The following KSR2 variants were observed in gnomAD, a reference collection of about 807,000 sequenced individuals.
KSR2 encodes the protein kinase suppressor of ras 2.
KSR2 carries 25 observed loss-of-function variants against 107.8 expected under a neutral mutation model. That is an observed-to-expected ratio of 0.23 (90% CI 0.17 to 0.32). The LOEUF (loss-of-function observed/expected upper bound fraction) is 0.32, where lower values mean the gene tolerates loss of function less well. Ranked by LOEUF, KSR2 falls within the 10% of genes least tolerant of loss-of-function variation. KSR2 has a pLI of 1.00. For synonymous variants in KSR2, 480 were observed against 507.0 expected, an observed-to-expected ratio of 0.95 and a Z score of 0.71; for missense variants, 887 against 1,268.9, an observed-to-expected ratio of 0.70 and a Z score of 4.57.
intron 19 of KSR2, 29 bp from the exon 20 acceptor site, chr12:117,467,234 GT>G: frequency 4.1e-6 from 3 of 728,428 alleles, no homozygotes; most frequent in Non-Finnish European, 7.6e-6. Flanking sequence ...GGAGAGAGTG[GT>G]GAGAGGTCAC....
At chr12:117,874,734 A>AT (rs1321879639) in intron 1 of KSR2, among the ~76,000 whole-genome samples, 18 of 152,208 alleles carry the variant, frequency 1.2e-4, no homozygotes, top group African/African-American at 4.3e-4. Context: ...GGGCCTTTGT[A>AT]TGGCTTCACC....
chr12:117,768,126 G>A (rs1889311634), intron 3 of KSR2, among the ~76,000 whole-genome samples: 1 of 152,226 alleles, frequency 6.6e-6, no homozygotes, highest in Non-Finnish European at 1.5e-5. Flanking sequence ...TGGGAAGGAA[G>A]CTAACTTTCT....
At chr12:117,472,794 G>A (rs1310648430) in intron 17 of KSR2, among the ~76,000 whole-genome samples, 1 of 152,186 alleles carries the variant, frequency 6.6e-6, no homozygotes, top group Non-Finnish European at 1.5e-5. Context: ...GTTTTACTCT[G>A]CACTAGGCAC....
At chr12:117,964,480 C>T (rs1292363568) in intron 1 of KSR2, among the ~76,000 whole-genome samples, 3 of 152,180 alleles carry the variant, frequency 2.0e-5, no homozygotes, top group East Asian at 1.9e-4. Context: ...ATTAAAAACG[C>T]TAACATCCCA....
intron 1 of KSR2, among the ~76,000 whole-genome samples, chr12:117,865,590 C>T (rs1893441535): frequency 6.6e-6 from 1 of 152,122 alleles, no homozygotes; most frequent in Admixed American, 6.5e-5. Flanking sequence ...CTCCTGGGCT[C>T]AACTAATCCA....
chr12:117,637,675 G>GTTTTTTTTTTTTTTTTTTTTT lies in KSR2; in HGVS notation c.1171+29778_1171+29798dup, dbSNP rs56169273. On this transcript the variant is annotated intron_variant, in intron 5 of 19. Transcript: ENST00000339824. ...AATGGGACCCAGCAGTCAGTTTTGG[G>GTTTTTTTTTTTTTTTTTTTTT]TTTTTTTTTTTTTTTTTTTTTTTTG... is the stretch of plus-strand genomic sequence containing the variant. Among the ~76,000 whole-genome samples, 2 of 92,086 alleles carry GTTTTTTTTTTTTTTTTTTTTT rather than the reference G, an allele frequency of 2.2e-5. 1 individual carries two copies. The highest frequency in any genetic ancestry group is 8.4e-5 in the African/African-American group (2 of 23,732). 60.4% of individuals were successfully genotyped at this position (92,086 alleles called of 152,430 possible).
chr12:117,684,843 A>C (rs656255), intron 4 of KSR2, among the ~76,000 whole-genome samples: 67,368 of 152,092 alleles, frequency 0.44, 15,834 homozygotes, highest in South Asian at 0.56. Flanking sequence ...CTGGAGTGTG[A>C]TGGCAGTTCT....
intron 3 of KSR2, among the ~76,000 whole-genome samples, chr12:117,772,762 CAT>C (rs2136919580): frequency 6.6e-6 from 1 of 152,236 alleles, no homozygotes; most frequent in East Asian, 1.9e-4. Flanking sequence ...CACACACACA[CAT>C]ACCATTCCAC....
At chr12:117,535,508 C>T (rs936269334) in intron 10 of KSR2, among the ~76,000 whole-genome samples, 2 of 152,082 alleles carry the variant, frequency 1.3e-5, no homozygotes, top group African/African-American at 4.8e-5. Flanking sequence ...CCACATGGCC[C>T]AAGTGAGGTC....
At chr12:117,783,004 G>A (rs772034581) in intron 3 of KSR2, among the ~76,000 whole-genome samples, 1 of 152,128 alleles carries the variant, frequency 6.6e-6, no homozygotes, top group East Asian at 1.9e-4. Flanking sequence ...GGATAAAAAT[G>A]GTTTCACCAA....
At chr12:117,827,801 TA>T (rs1891813614) in intron 3 of KSR2, among the ~76,000 whole-genome samples, 1 of 152,190 alleles carries the variant, frequency 6.6e-6, no homozygotes, top group South Asian at 2.1e-4. Flanking sequence ...CCTCATGTCA[TA>T]GAAGGTGATG....
At chr12:117,833,024 C>T (rs960571218) in intron 3 of KSR2, among the ~76,000 whole-genome samples, 3 of 150,490 alleles carry the variant, frequency 2.0e-5, no homozygotes, top group East Asian at 2.0e-4. Flanking sequence ...TCAGAGCCTT[C>T]GTGGGGCGGG....
At chr12:117,575,337 G>GGTGTCACCTCTCTGAA (rs1387759385) in intron 7 of KSR2, among the ~76,000 whole-genome samples, 7 of 152,210 alleles carry the variant, frequency 4.6e-5, no homozygotes, top group Non-Finnish European at 8.8e-5. Context: ...CCCCATCCTT[G>GGTGTCACCTCTCTGAA]GTGTCACCTC....
intron 1 of KSR2, among the ~76,000 whole-genome samples, chr12:117,905,453 T>G (rs1351464329): frequency 6.6e-6 from 1 of 152,158 alleles, no homozygotes; most frequent in Non-Finnish European, 1.5e-5. Context: ...AATCACTTCA[T>G]GCACCATCAG....
At chr12:117,475,324 C>T (rs1871708837) in intron 17 of KSR2, among the ~76,000 whole-genome samples, 1 of 152,174 alleles carries the variant, frequency 6.6e-6, no homozygotes, top group African/African-American at 2.4e-5. Flanking sequence ...AGTCTCTTAT[C>T]TCACCACCCC....
chr12:117,909,220 T>C (rs1593360565), intron 1 of KSR2, among the ~76,000 whole-genome samples: 1 of 152,202 alleles, frequency 6.6e-6, no homozygotes, highest in African/African-American at 2.4e-5. Flanking sequence ...AAGATTTCAC[T>C]TGGAAAGGGG....
intron 5 of KSR2, among the ~76,000 whole-genome samples, chr12:117,600,741 A>C (rs186011807): frequency 1.3e-5 from 2 of 152,316 alleles, no homozygotes; most frequent in East Asian, 3.9e-4. Context: ...GAGCCAGCTC[A>C]TGGTTTTCCA....
chr12:117,566,792 C>A (rs1434059594), intron 7 of KSR2, among the ~76,000 whole-genome samples: 1 of 152,196 alleles, frequency 6.6e-6, no homozygotes, highest in Non-Finnish European at 1.5e-5. Context: ...CTTTAAAGAT[C>A]TTGCAGTCTA....
At chr12:117,484,325 A>C in intron 16 of KSR2, 91 bp downstream of exon 16, 3 of 1,451,138 alleles carry the variant, frequency 2.1e-6, no homozygotes, top group Non-Finnish European at 2.8e-6. Context: ...ACCAACCCTG[A>C]GTCTAGGTCA....
Sources: gnomAD v4.1 joint callset for allele counts (sites outside exome capture counted in the v4.1 genomes callset) on GRCh38, gnomAD v4.1.1 for gene constraint, MANE v1.5 for transcripts, NCBI Gene and HGNC (gene_info 2026-07-23, HGNC 2026-07-21) for gene names.